The following VPS54 variants were observed in gnomAD, a reference collection of about 807,000 sequenced individuals.
VPS54 encodes the protein VPS54 subunit of GARP complex.
Under a neutral mutation model 121.5 loss-of-function variants are expected in VPS54, and 45 were observed. The ratio of observed to expected loss-of-function variants is 0.37; its 90% CI spans 0.29 to 0.47. VPS54 has a LOEUF of 0.47. VPS54 is among the 20% of genes least tolerant of loss of function. The pLI, the probability that VPS54 is intolerant of heterozygous loss-of-function variation, is 0.99. For missense variants in VPS54, 1,090 were observed against 1,131.4 expected (o/e 0.96, Z 0.52); for synonymous variants, 371 against 385.8 (o/e 0.96, Z 0.45).
chr2:64,014,427 A>G (rs1678586077), intron 1 of VPS54, among the ~76,000 whole-genome samples: 1 of 152,248 alleles, frequency 6.6e-6, no homozygotes, highest in South Asian at 2.1e-4. Flanking sequence ...TAATTTCACC[A>G]TTATAATAAT....
intron 11 of VPS54, among the ~76,000 whole-genome samples, chr2:63,939,609 A>G (rs1471306417): frequency 6.6e-6 from 1 of 152,216 alleles, no homozygotes; most frequent in East Asian, 1.9e-4. Flanking sequence ...GGGAAAATAG[A>G]AAAGAATAAA....
At chr2:63,905,594 TA>T (rs1672871620) in intron 20 of VPS54, among the ~76,000 whole-genome samples, 1 of 151,798 alleles carries the variant, frequency 6.6e-6, no homozygotes, top group South Asian at 2.1e-4. Flanking sequence ...AATTCTAACC[TA>T]AAACTTGGGG....
At chr2:63,907,472 C>T (rs189526844) in intron 20 of VPS54, among the ~76,000 whole-genome samples, 4 of 148,850 alleles carry the variant, frequency 2.7e-5, no homozygotes, top group East Asian at 3.9e-4. Flanking sequence ...GAGCTGAGAT[C>T]GCGCCATTGC....
At chr2:63,899,614 T>C (rs78226711) in intron 20 of VPS54, 33 bp from the exon 21 acceptor site, 14 of 1,564,840 alleles carry the variant, frequency 8.9e-6, no homozygotes, top group East Asian at 6.7e-5. Context: ...ATTATGTTCA[T>C]GTCCTCTGAA....
At chr2:63,997,240 C>T (rs1381448121) in intron 1 of VPS54, among the ~76,000 whole-genome samples, 1 of 152,140 alleles carries the variant, frequency 6.6e-6, no homozygotes, top group Non-Finnish European at 1.5e-5. Flanking sequence ...AAAGTATTCC[C>T]TCCTCCTATT....
rs146236100 is a variant in VPS54 at position 63,905,512 on chromosome 2, A to AT, written c.2626-5932dup. On this transcript the variant is annotated intron_variant, in intron 20 of 22. Transcript: ENST00000272322. ...AGATTACCCACATAGTTCTATATGT[A>AT]TTTTTTTTTTAATGAACTTATTAAA... Among the ~76,000 whole-genome samples, 61 of 149,846 alleles carry AT rather than the reference A, an allele frequency of 4.1e-4. 1 individual carries two copies. Among genetic ancestry groups the AT allele is most frequent in the East Asian group, 1.6e-3 (8 of 5,130 alleles).
intron 16 of VPS54, among the ~76,000 whole-genome samples, chr2:63,915,256 AAAG>A (rs1673329460): frequency 6.6e-6 from 1 of 152,018 alleles, no homozygotes; most frequent in South Asian, 2.1e-4. Context: ...CTGGGAAGTT[AAAG>A]AAGATTGAAA....
chr2:63,998,509 G>A (rs1235975420), intron 1 of VPS54, among the ~76,000 whole-genome samples: 2 of 151,960 alleles, frequency 1.3e-5, no homozygotes, highest in Admixed American at 6.6e-5. Flanking sequence ...TAGTAAAGGT[G>A]ATTTTTTTCT....
At chr2:64,008,064 G>A (rs1013350544) in intron 1 of VPS54, among the ~76,000 whole-genome samples, 1 of 151,764 alleles carries the variant, frequency 6.6e-6, no homozygotes, top group Non-Finnish European at 1.5e-5. Context: ...GGCTATCGGA[G>A]ACCTGACCAT....
intron 20 of VPS54, among the ~76,000 whole-genome samples, chr2:63,906,555 T>G (rs1022009349): frequency 3.9e-5 from 6 of 152,210 alleles, no homozygotes; most frequent in Admixed American, 6.5e-5. Flanking sequence ...GTGGTAAACA[T>G]TTAATGGGCT....
In VPS54 at chr2:63,941,517, G is replaced by A. The variant is rs976217254; in HGVS notation, c.1398+948C>T. On this transcript the variant is annotated intron_variant, in intron 11 of 22. Transcript: ENST00000272322. ...GATAGGATTACAGGTGTAATCCACC[G>A]TGCCCAGCCTGTATTCTTCTTAAAC... Among the ~76,000 whole-genome samples, 11 of 152,138 alleles carry A rather than the reference G, an allele frequency of 7.2e-5. No homozygotes were observed. The South Asian group carries it at 1.0e-3, about 14-fold the overall frequency.
chr2:63,892,548 C>T lies in VPS54; in HGVS notation c.*882G>A, dbSNP rs796274678. 2 of 152,504 alleles carry T rather than the reference C, an allele frequency of 1.3e-5. No individual in the cohort carries two copies. Among genetic ancestry groups the T allele is most frequent in the South Asian group, 4.2e-4 (2 of 4,812 alleles). 9.4% of individuals were successfully genotyped at this position (152,504 alleles called of 1,614,324 possible). On this transcript the variant is annotated 3_prime_UTR_variant, in exon 23 of 23. Transcript: ENST00000272322. ...AAGGGGGCCATACTTCATATGTTAT[C>T]TAAATGTTAATATGAGAACTCAAAA... is the stretch of plus-strand genomic sequence containing the variant.
intron 12 of VPS54, among the ~76,000 whole-genome samples, chr2:63,930,502 T>C (rs969366744): frequency 3.3e-5 from 5 of 152,132 alleles, no homozygotes; most frequent in African/African-American, 1.2e-4. Flanking sequence ...TAGGTATTGA[T>C]GGAACATATC....
intron 12 of VPS54, among the ~76,000 whole-genome samples, chr2:63,932,945 T>C (rs1337811685): frequency 6.6e-6 from 1 of 152,122 alleles, no homozygotes; most frequent in African/African-American, 2.4e-5. Flanking sequence ...TTAGGAAATA[T>C]ACACCAGGTA....
intron 7 of VPS54, among the ~76,000 whole-genome samples, chr2:63,950,331 AGTGT>A (rs1449635475): frequency 6.6e-6 from 1 of 152,028 alleles, no homozygotes; most frequent in Non-Finnish European, 1.5e-5. Context: ...TCCATAGAGT[AGTGT>A]GTGTAATGAG....
At chr2:63,982,469 G>A (rs557791414) in intron 2 of VPS54, among the ~76,000 whole-genome samples, 1 of 152,172 alleles carries the variant, frequency 6.6e-6, no homozygotes, top group African/African-American at 2.4e-5. Flanking sequence ...ACCACTGCTT[G>A]TAGGGAAACT....
intron 3 of VPS54, among the ~76,000 whole-genome samples, chr2:63,979,676 G>A (rs1275355442): frequency 6.6e-6 from 1 of 152,156 alleles, no homozygotes; most frequent in East Asian, 1.9e-4. Flanking sequence ...CTGATATGTT[G>A]TGTTTTCATT....
intron 3 of VPS54, among the ~76,000 whole-genome samples, chr2:63,977,220 G>A (rs530891641): frequency 2.6e-5 from 4 of 152,014 alleles, no homozygotes; most frequent in Non-Finnish European, 4.4e-5. Flanking sequence ...CTACTGATTT[G>A]CTATTGTCAA....
intron 1 of VPS54, among the ~76,000 whole-genome samples, chr2:63,999,041 G>C (rs553052538): frequency 6.6e-6 from 1 of 152,114 alleles, no homozygotes; most frequent in Non-Finnish European, 1.5e-5. Flanking sequence ...CCACCTCCCA[G>C]GTTCAAGTGA....
Sources: allele counts gnomAD v4.1 joint callset (sites outside exome capture counted in the v4.1 genomes callset), GRCh38; gene constraint gnomAD v4.1.1; transcripts MANE v1.5; gene names NCBI Gene and HGNC (gene_info 2026-07-23, HGNC 2026-07-21).